Variants in NCOA1 observed in about 807,000 individuals in gnomAD.
The protein encoded by NCOA1 is nuclear receptor coactivator 1, also known as Hin-2 protein.
NCOA1 carries 35 observed loss-of-function variants against 150.9 expected under a neutral mutation model. The observed-to-expected ratio is 0.23, with a 90% CI of 0.18 to 0.31. The LOEUF (loss-of-function observed/expected upper bound fraction) is 0.31. Ranked by LOEUF, NCOA1 falls within the 10% of genes least tolerant of loss-of-function variation. The pLI is 1.00. For synonymous variants in NCOA1, 590 were observed against 630.0 expected (o/e 0.94, Z 0.95); for missense variants, 1,491 against 1,749.3 (o/e 0.85, Z 2.63).
intron 19 of NCOA1, among the ~76,000 whole-genome samples, chr2:24,743,580 G>A (rs1282480707): frequency 6.6e-6 from 1 of 152,216 alleles, no homozygotes; most frequent in Non-Finnish European, 1.5e-5. Context: ...CTGAACAAGA[G>A]TATGGCCTTC....
intron 20 of NCOA1, among the ~76,000 whole-genome samples, chr2:24,755,895 A>G (rs571953635): frequency 1.0e-3 from 159 of 152,302 alleles, no homozygotes; most frequent in African/African-American, 2.0e-3. Context: ...TTATGTATCA[A>G]TTGACAAATG....
chr2:24,571,126 A>G (rs1041319394), intron 2 of NCOA1, among the ~76,000 whole-genome samples: 4 of 151,782 alleles, frequency 2.6e-5, no homozygotes, highest in South Asian at 4.2e-4. Flanking sequence ...CTTCCTTACT[A>G]TCTCGAGTAC....
At chr2:24,635,697 A>G (rs1484882600) in intron 3 of NCOA1, among the ~76,000 whole-genome samples, 1 of 152,196 alleles carries the variant, frequency 6.6e-6, no homozygotes, top group Non-Finnish European at 1.5e-5. Flanking sequence ...CTCATCCCCT[A>G]CGAAATGTTT....
In NCOA1 at chr2:24,570,782, T is replaced by C. The variant is rs149456299; in HGVS notation, c.-260+6352T>C. Among the ~76,000 whole-genome samples, 3 of 152,336 alleles carry C rather than the reference T, an allele frequency of 2.0e-5. No individual in the cohort carries two copies. The East Asian group carries it at 5.8e-4, about 29-fold the overall frequency. ...GAAGACAGAGAAACACATTAAGTGATACCATGTGAATGCAGTTAGCAAAAT... is the reference window on the plus strand; with the variant it reads ...GAAGACAGAGAAACACATTAAGTGACACCATGTGAATGCAGTTAGCAAAAT... On this transcript the variant is annotated intron_variant, in intron 2 of 22. Coordinates refer to ENST00000348332, the MANE Select transcript of NCOA1 (RefSeq NM_003743.5).
chr2:24,711,431 A>G (rs753594338), intron 14 of NCOA1: 10 of 184,272 alleles, frequency 5.4e-5, no homozygotes, highest in Non-Finnish European at 1.0e-4. Context: ...GTTTCCAGAT[A>G]TCTTCCTTGA....
chr2:24,614,357 A>G (rs961552866), intron 3 of NCOA1, among the ~76,000 whole-genome samples: 2 of 150,880 alleles, frequency 1.3e-5, no homozygotes, highest in African/African-American at 4.9e-5. Flanking sequence ...AGCTGGGACT[A>G]TAGGTATACA....
At chr2:24,552,321 T>TTTTATATATATATA (rs1262879918) in intron 1 of NCOA1, among the ~76,000 whole-genome samples, 1 of 30,584 alleles carries the variant, frequency 3.3e-5, no homozygotes, top group Non-Finnish European at 5.6e-5. Context: ...TTCATATATA[T>TTTTATATATATATA]TATATATATA....
chr2:24,523,887 C>T (rs1362582738), intron 1 of NCOA1, among the ~76,000 whole-genome samples: 1 of 122,890 alleles, frequency 8.1e-6, no homozygotes, highest in Non-Finnish European at 1.6e-5. Context: ...GATCGTGCCA[C>T]GGCACTCCAG....
intron 4 of NCOA1, among the ~76,000 whole-genome samples, chr2:24,651,065 G>A (rs1670690034): frequency 6.6e-6 from 1 of 152,068 alleles, no homozygotes; most frequent in African/African-American, 2.4e-5. Context: ...TGGCAAAGGT[G>A]TTGAGAAAAG....
chr2:24,697,997 T>C (rs1451233194), intron 11 of NCOA1, among the ~76,000 whole-genome samples, 199 bp downstream of exon 11: 1 of 152,140 alleles, frequency 6.6e-6, no homozygotes, highest in Non-Finnish European at 1.5e-5. Flanking sequence ...TTCTGAAGAA[T>C]AGGATGTTGT....
intron 3 of NCOA1, among the ~76,000 whole-genome samples, chr2:24,641,504 C>T (rs1006854330): frequency 6.6e-6 from 1 of 151,960 alleles, no homozygotes; most frequent in African/African-American, 2.4e-5. Flanking sequence ...TCCCTTTAGC[C>T]TGAAAAAGTT....
chr2:24,647,392 C>T (rs1670523767), intron 4 of NCOA1, among the ~76,000 whole-genome samples: 1 of 152,130 alleles, frequency 6.6e-6, no homozygotes, highest in South Asian at 2.1e-4. Context: ...TTTCTCGTCA[C>T]TAACATGGAT....
At chr2:24,519,456 G>A (rs1664333665) in intron 1 of NCOA1, among the ~76,000 whole-genome samples, 1 of 152,000 alleles carries the variant, frequency 6.6e-6, no homozygotes, top group African/African-American at 2.4e-5. Flanking sequence ...ATGTATCTTT[G>A]AATATACCAA....
At chr2:24,651,089 C>T (rs1670691341) in intron 4 of NCOA1, among the ~76,000 whole-genome samples, 1 of 151,834 alleles carries the variant, frequency 6.6e-6, no homozygotes, top group South Asian at 2.1e-4. Flanking sequence ...ACCCATGTAC[C>T]CTTTTGATGG....
intron 2 of NCOA1, among the ~76,000 whole-genome samples, chr2:24,575,414 CTGTT>C (rs1266508889): frequency 6.6e-6 from 1 of 152,006 alleles, no homozygotes; most frequent in Non-Finnish European, 1.5e-5. Context: ...TTTGGCATCT[CTGTT>C]TGCTAAGTTC....
intron 22 of NCOA1, among the ~76,000 whole-genome samples, chr2:24,766,630 A>T (rs1358286926): frequency 6.6e-6 from 1 of 152,066 alleles, no homozygotes; most frequent in South Asian, 2.1e-4. Context: ...GAGAACAGGA[A>T]GAGAACAGAG....
chr2:24,738,873 T>C (rs549049334), intron 17 of NCOA1, among the ~76,000 whole-genome samples: 1 of 152,288 alleles, frequency 6.6e-6, no homozygotes, highest in East Asian at 1.9e-4. Flanking sequence ...AATAATCCAT[T>C]TTTTCAGACC....
intron 1 of NCOA1, among the ~76,000 whole-genome samples, chr2:24,512,865 A>G (rs926178934): frequency 1.3e-5 from 2 of 152,208 alleles, no homozygotes; most frequent in African/African-American, 4.8e-5. Context: ...ACCTTAGCCA[A>G]AACACCGTTT....
intron 3 of NCOA1, among the ~76,000 whole-genome samples, chr2:24,610,693 A>G (rs921862324): frequency 2.0e-5 from 3 of 150,832 alleles, no homozygotes; most frequent in African/African-American, 7.3e-5. Context: ...AATATCTGAA[A>G]TTTTACAACA....
Sources: allele counts gnomAD v4.1 joint callset (sites outside exome capture counted in the v4.1 genomes callset), GRCh38; gene constraint gnomAD v4.1.1; transcripts MANE v1.5; gene names NCBI Gene and HGNC (gene_info 2026-07-23, HGNC 2026-07-21).